Variants in PLPP1 observed in about 807,000 individuals in gnomAD.
The protein encoded by PLPP1 is phospholipid phosphatase 1.
In PLPP1, 24 loss-of-function variants were observed where a neutral mutation model predicts 31.2. The observed-to-expected ratio is 0.77, with a 90% CI of 0.56 to 1.08. The LOEUF (loss-of-function observed/expected upper bound fraction) is 1.08, where lower values mean the gene tolerates loss of function less well. Ranked by LOEUF, PLPP1 falls within the 50% of genes least tolerant of loss-of-function variation. The pLI is 0.00. For synonymous variants in PLPP1, 146 were observed against 126.3 expected, an observed-to-expected ratio of 1.16 and a Z score of -1.05; for missense variants, 319 against 342.7, an observed-to-expected ratio of 0.93 and a Z score of 0.55.
Position 55,443,192 on chromosome 5 carries a change from A to AAAAAAAAAAAAAAAAT in PLPP1, c.492-1285_492-1284insATTTTTTTTTTTTTTT. 3.1e-4 allele frequency among the ~76,000 whole-genome samples: 8 copies of AAAAAAAAAAAAAAAAT among 25,436 alleles called. 1 individual carries two copies. The highest frequency in any genetic ancestry group is 5.4e-4 in the African/African-American group (5 of 9,276). The allele number at this position is 25,436 out of a possible 152,430, so 16.7% of individuals were successfully genotyped here. A position where few individuals can be genotyped will look rare whatever the true frequency, so the allele number is the denominator to read the frequency against. ...AAGGATTACTTAAAAAAAAAAAAAA[A>AAAAAAAAAAAAAAAAT]ATATATATATATATATATATACACA... On this transcript the variant is annotated intron_variant, in intron 3 of 5. Transcript: ENST00000307259.
At chr5:55,481,462 T>C (rs989400346) in intron 1 of PLPP1, among the ~76,000 whole-genome samples, 8 of 152,006 alleles carry the variant, frequency 5.3e-5, no homozygotes, top group African/African-American at 1.9e-4. Context: ...GAGACCACAG[T>C]AGCAAATCAC....
chr5:55,531,753 T>C (rs1047187459), intron 1 of PLPP1, among the ~76,000 whole-genome samples: 1 of 152,250 alleles, frequency 6.6e-6, no homozygotes, highest in East Asian at 1.9e-4. Flanking sequence ...ATTTGCTATA[T>C]AACACGTGTC....
intron 1 of PLPP1, 138 bp downstream of exon 1, chr5:55,534,434 T>A: frequency 2.2e-6 from 2 of 921,758 alleles, no homozygotes; most frequent in Non-Finnish European, 3.0e-6. Context: ...GTCCCTCGGC[T>A]GCAGAAGCCG....
chr5:55,457,551 T>G (rs1752044235), intron 3 of PLPP1, among the ~76,000 whole-genome samples: 1 of 152,182 alleles, frequency 6.6e-6, no homozygotes, highest in African/African-American at 2.4e-5. Context: ...AAGAAAATTC[T>G]CAGCTAAAAC....
chr5:55,520,514 C>CA (rs1299420963), intron 1 of PLPP1, among the ~76,000 whole-genome samples: 1 of 152,224 alleles, frequency 6.6e-6, no homozygotes, highest in East Asian at 1.9e-4. Flanking sequence ...ACTTCACATA[C>CA]ATTGTCTCAT....
chr5:55,498,340 T>A (rs1021067560), intron 1 of PLPP1, among the ~76,000 whole-genome samples: 1 of 151,886 alleles, frequency 6.6e-6, no homozygotes, highest in African/African-American at 2.4e-5. Context: ...AAGAGGTAGA[T>A]CCTAAAGATG....
intron 1 of PLPP1, among the ~76,000 whole-genome samples, chr5:55,476,612 GCT>G (rs1440077717): frequency 6.6e-6 from 1 of 152,054 alleles, no homozygotes; most frequent in East Asian, 1.9e-4. Context: ...AGCCTGAAAC[GCT>G]CTCTCCCTAA....
intron 4 of PLPP1, among the ~76,000 whole-genome samples, chr5:55,440,698 C>A (rs751066054): frequency 1.0e-3 from 152 of 152,328 alleles, no homozygotes; most frequent in Admixed American, 3.5e-3. Flanking sequence ...AACACATCTA[C>A]AATTTACATA....
chr5:55,442,576 T>C (rs540463936), intron 3 of PLPP1, among the ~76,000 whole-genome samples: 18 of 150,472 alleles, frequency 1.2e-4, no homozygotes, highest in Admixed American at 2.0e-4. Context: ...TGCTTGAACC[T>C]GGGAGGCAGA....
At chr5:55,470,359 T>C (rs1407782784) in intron 2 of PLPP1, among the ~76,000 whole-genome samples, 1 of 152,246 alleles carries the variant, frequency 6.6e-6, no homozygotes, top group Non-Finnish European at 1.5e-5. Context: ...TCTTAGGCAC[T>C]GAACTATTTT....
At position 55,471,345 on chromosome 5, in the gene PLPP1, G is replaced by A. The variant is rs377300864; in HGVS notation, c.211-3196C>T. Among the ~76,000 whole-genome samples the A allele has an allele frequency of 1.3e-3, 202 of 152,036 alleles. 1 individual carries two copies. The highest frequency in any genetic ancestry group is 0.012 in the South Asian group (57 of 4,796). ...GCCTCCTGTGTAGCCAGGATTACAG[G>A]CACCCACCACCGCACCCAGCTAAAT... On this transcript the variant is annotated intron_variant, in intron 2 of 5. Transcript: ENST00000307259.
At chr5:55,437,100 G>A (rs1477488856) in intron 4 of PLPP1, among the ~76,000 whole-genome samples, 2 of 152,102 alleles carry the variant, frequency 1.3e-5, no homozygotes, top group East Asian at 3.9e-4. Context: ...TGAGAAATTT[G>A]TTTTTTATAA....
chr5:55,519,152 T>C (rs1753611936), intron 1 of PLPP1, among the ~76,000 whole-genome samples: 1 of 152,154 alleles, frequency 6.6e-6, no homozygotes, highest in Non-Finnish European at 1.5e-5. Flanking sequence ...ATTCATACTG[T>C]GGGACATAAA....
intron 1 of PLPP1, among the ~76,000 whole-genome samples, chr5:55,524,613 T>C (rs561316308): frequency 1.3e-5 from 2 of 152,050 alleles, no homozygotes; most frequent in Non-Finnish European, 2.9e-5. Flanking sequence ...AGTTTCAGAC[T>C]AGCCTGGCCA....
intron 1 of PLPP1, among the ~76,000 whole-genome samples, chr5:55,487,438 C>CAAAA (rs10622738): frequency 6.8e-6 from 1 of 147,964 alleles, no homozygotes; most frequent in Non-Finnish European, 1.5e-5. Context: ...AACCCAAAAA[C>CAAAA]AAAAAAAAAA....
At chr5:55,429,805 T>C (rs1432487241) in intron 4 of PLPP1, among the ~76,000 whole-genome samples, 2 of 152,022 alleles carry the variant, frequency 1.3e-5, no homozygotes, top group Admixed American at 1.3e-4. Context: ...CCACTGTGCA[T>C]TGTCAAGCCT....
intron 3 of PLPP1, among the ~76,000 whole-genome samples, chr5:55,467,487 A>C (rs932648267): frequency 4.0e-5 from 6 of 151,650 alleles, no homozygotes; most frequent in Admixed American, 6.6e-5. Flanking sequence ...GGAGTTTGAC[A>C]CCAGCCTAGG....
At chr5:55,490,912 A>G (rs747929456) in intron 1 of PLPP1, 1 of 1,551,266 alleles carries the variant, frequency 6.4e-7, no homozygotes, top group African/African-American at 1.4e-5. Flanking sequence ...GCTTCATCCA[A>G]CCTCCAGCAC....
chr5:55,507,715 GACCGAGAGCCCTCTGGGTTC>G (rs1753311919), intron 1 of PLPP1, among the ~76,000 whole-genome samples: 1 of 152,172 alleles, frequency 6.6e-6, no homozygotes, highest in Non-Finnish European at 1.5e-5. Flanking sequence ...GAGTCAATGA[GACCGAGAGCCCTCTGGGTTC>G]ACCTGGTCTT....
Sources: allele counts gnomAD v4.1 joint callset (sites outside exome capture counted in the v4.1 genomes callset), GRCh38; gene constraint gnomAD v4.1.1; transcripts MANE v1.5; gene names NCBI Gene and HGNC (gene_info 2026-07-23, HGNC 2026-07-21).